Variants in INPP5F observed in about 807,000 individuals in gnomAD.
INPP5F encodes the protein inositol polyphosphate-5-phosphatase F.
A neutral mutation model predicts 137.2 loss-of-function variants in INPP5F; 97 were observed. The observed-to-expected ratio is 0.71, with a 90% confidence interval of 0.60 to 0.84. The LOEUF (loss-of-function observed/expected upper bound fraction) is 0.84, where lower values mean the gene tolerates loss of function less well. Among genes scored for constraint, INPP5F ranks in the 40% least tolerant of loss-of-function variants. The pLI, the probability that INPP5F is intolerant of heterozygous loss-of-function variation, is 0.00. For synonymous variants in INPP5F, 504 were observed against 476.9 expected (o/e 1.06, Z -0.74); for missense variants, 1,271 against 1,371.9 (o/e 0.93, Z 1.16).
rs189711231 is a variant in INPP5F at position 119,800,631 on chromosome 10, A to C, written c.1116+2021A>C. Among the ~76,000 whole-genome samples, 91 of 152,180 alleles carry C rather than the reference A, an allele frequency of 6.0e-4. 1 individual carries two copies. Among genetic ancestry groups the C allele is most frequent in the African/African-American group, 2.1e-3 (86 of 41,532 alleles). ...GTACAACCCAAAAGAGAGCTGGACA[A>C]AAGAGGATATCCAGAAAGTCAGTAG... On this transcript the variant is annotated intron_variant, in intron 9 of 19. Coordinates refer to ENST00000650623, the MANE Select transcript of INPP5F (RefSeq NM_014937.4).
intron 2 of INPP5F, among the ~76,000 whole-genome samples, chr10:119,779,119 ATATAGT>A (rs1182362089): frequency 6.6e-6 from 1 of 152,160 alleles, no homozygotes; most frequent in African/African-American, 2.4e-5. Context: ...GGGTGGATAC[ATATAGT>A]TATGCATCAC....
At chr10:119,738,235 A>G (rs1848270111) in intron 1 of INPP5F, among the ~76,000 whole-genome samples, 1 of 152,258 alleles carries the variant, frequency 6.6e-6, no homozygotes, top group African/African-American at 2.4e-5. Flanking sequence ...CATTATTTCA[A>G]AAAGGCTATA....
chr10:119,739,074 A>G (rs72842245), intron 1 of INPP5F, among the ~76,000 whole-genome samples: 8,368 of 151,962 alleles, frequency 0.055, 308 homozygotes, highest in Admixed American at 0.1. Flanking sequence ...ATTCCCAGCT[A>G]CTTGGGAAGC....
chr10:119,790,430 C>T (rs1231601251), intron 3 of INPP5F, among the ~76,000 whole-genome samples: 1 of 152,090 alleles, frequency 6.6e-6, no homozygotes, highest in Non-Finnish European at 1.5e-5. Context: ...GGTGTGAAAC[C>T]TGTGTGGACA....
Position 119,806,362 on chromosome 10 carries a change from T to G in INPP5F, c.1322T>G (p.Val441Gly). 1 of 1,537,570 alleles carries G rather than the reference T, an allele frequency of 6.5e-7. No homozygotes were observed. Among genetic ancestry groups the G allele is most frequent in the Non-Finnish European group, 8.8e-7 (1 of 1,139,158 alleles). The change falls in exon 12 of 20, where the codon GTT becomes GGT. Residue 441 changes from valine (V) to glycine (G), a missense_variant and splice_region_variant. Around this residue, in one of 6 missense-constraint regions of INPP5F, gnomAD observed 593 missense variants for 712.4 expected, o/e 0.83. Coordinates refer to ENST00000650623, the MANE Select transcript of INPP5F (RefSeq NM_014937.4). Reference sequence around the variant, plus strand: ...AATTCTGTATTATTTTTAAAAAGGGTTGATGAAGCTGGGGTAATATGTAAG... The same window carrying G: ...AATTCTGTATTATTTTTAAAAAGGGGTGATGAAGCTGGGGTAATATGTAAG... ...DIILDMKWCW[V>G]DEAGVICKQE...
intron 19 of INPP5F, among the ~76,000 whole-genome samples, chr10:119,825,193 G>A (rs1851711264): frequency 6.6e-6 from 1 of 152,154 alleles, no homozygotes; most frequent in African/African-American, 2.4e-5. Flanking sequence ...TTATAAAGAA[G>A]TCATGACAGA....
intron 1 of INPP5F, among the ~76,000 whole-genome samples, chr10:119,740,689 C>T (rs1015961546): frequency 6.6e-6 from 1 of 152,102 alleles, no homozygotes; most frequent in Non-Finnish European, 1.5e-5. Flanking sequence ...ATTACAGGCA[C>T]CTGCCACCAC....
rs566685100 is a variant in INPP5F at position 119,729,093 on chromosome 10, A to G, written c.97+2734A>G. 3.4e-5 allele frequency among the ~76,000 whole-genome samples: 5 copies of G among 148,184 alleles called. 1 individual carries two copies. Among genetic ancestry groups the G allele is most frequent in the African/African-American group, 1.2e-4 (5 of 40,368 alleles). On this transcript the variant is annotated intron_variant, in intron 1 of 19. Coordinates refer to ENST00000650623, the MANE Select transcript of INPP5F (RefSeq NM_014937.4). Reference sequence around the variant, plus strand: ...GTAATATCATTGCCTTAAAAATAAGATGTTGTATTATGTTTGTTGCTCTTT... The same window carrying G: ...GTAATATCATTGCCTTAAAAATAAGGTGTTGTATTATGTTTGTTGCTCTTT...
At chr10:119,816,015 T>C (rs1851260233) in intron 15 of INPP5F, 1 of 152,320 alleles carries the variant, frequency 6.6e-6, no homozygotes, top group Non-Finnish European at 1.5e-5. Flanking sequence ...GTGAAGCCAA[T>C]ACTTTGGAGC....
chr10:119,799,267 C>T, intron 9 of INPP5F: 2 of 425,022 alleles, frequency 4.7e-6, no homozygotes, highest in South Asian at 3.6e-5. Context: ...ATGAGTAATG[C>T]CGTGGAATGT....
chr10:119,828,846 C>G lies in INPP5F; in HGVS notation c.*1066C>G, dbSNP rs1851877876. 8.3e-6 allele frequency: 1 copy of G among 121,096 alleles called. No individual in the cohort carries two copies. Among genetic ancestry groups the G allele is most frequent in the East Asian group, 1.9e-4 (1 of 5,184 alleles). The allele number at this position is 121,096 out of a possible 1,614,324, so 7.5% of individuals were successfully genotyped here. On this transcript the variant is annotated 3_prime_UTR_variant, in exon 20 of 20. Transcript: ENST00000650623. ...TGGGGGACAGAGCAAGACCGTGTCT[C>G]AAAAACAATTTAGTCTGAAACACAA...
chr10:119,814,926 C>T (rs925789152), intron 15 of INPP5F, among the ~76,000 whole-genome samples: 3 of 151,968 alleles, frequency 2.0e-5, no homozygotes, highest in Admixed American at 6.6e-5. Flanking sequence ...AGTGCAGTGG[C>T]GCGATCTCGG....
intron 3 of INPP5F, among the ~76,000 whole-genome samples, chr10:119,784,369 T>G (rs1849806830): frequency 6.6e-6 from 1 of 152,342 alleles, no homozygotes; most frequent in Admixed American, 6.5e-5. Context: ...TTTCTCTGTT[T>G]TGCACTTTTA....
rs1851497871 is a variant in INPP5F, at chr10:119,820,163, T to TTC, written c.1887-682_1887-681insCT. Among the ~76,000 whole-genome samples the TTC allele has an allele frequency of 2.0e-5, 3 of 152,240 alleles. No individual in the cohort carries two copies. The South Asian group carries it at 6.2e-4, about 31-fold the overall frequency. On this transcript the variant is annotated intron_variant, in intron 15 of 19. Coordinates refer to ENST00000650623, the MANE Select transcript of INPP5F (RefSeq NM_014937.4). ...CTTTAAGAATTTTCTTATTGGTAATTTTACAAGGATGTACATTTTACTGTA... is the reference window on the plus strand; with the variant it reads ...CTTTAAGAATTTTCTTATTGGTAATTTCTTACAAGGATGTACATTTTACTGTA...
chr10:119,773,954 G>A (rs145810924), intron 2 of INPP5F, among the ~76,000 whole-genome samples: 485 of 152,182 alleles, frequency 3.2e-3, no homozygotes, highest in African/African-American at 0.011. Flanking sequence ...AGTCTTTCAA[G>A]TGAAATTTAA....
chr10:119,794,024 C>G (rs1330673425), intron 6 of INPP5F, among the ~76,000 whole-genome samples: 2 of 152,072 alleles, frequency 1.3e-5, no homozygotes, highest in African/African-American at 4.8e-5. Context: ...TTTATGTTTG[C>G]ATTTTCTTTT....
chr10:119,744,943 A>G (rs1475038954), intron 1 of INPP5F, among the ~76,000 whole-genome samples: 1 of 151,958 alleles, frequency 6.6e-6, no homozygotes, highest in Non-Finnish European at 1.5e-5. Flanking sequence ...ACTACTAATG[A>G]CTATTGTTTT....
intron 1 of INPP5F, among the ~76,000 whole-genome samples, chr10:119,747,779 T>C (rs1394150576): frequency 6.6e-6 from 1 of 152,218 alleles, no homozygotes; most frequent in Non-Finnish European, 1.5e-5. Flanking sequence ...ACTTAAATGT[T>C]TTCTTTGAGG....
intron 2 of INPP5F, among the ~76,000 whole-genome samples, chr10:119,758,294 C>T (rs1180946385): frequency 1.3e-5 from 2 of 152,096 alleles, no homozygotes; most frequent in East Asian, 1.9e-4. Flanking sequence ...GCATCTCACA[C>T]GGACAGGGCC....
Sources: gnomAD v4.1 joint callset for allele counts (sites outside exome capture counted in the v4.1 genomes callset) on GRCh38, gnomAD v4.1.1 for gene constraint, gnomAD v4.1.1 regional missense constraint, MANE v1.5 for transcripts, NCBI Gene and HGNC (gene_info 2026-07-23, HGNC 2026-07-21) for gene names.